ASH1L: variants seen among roughly 807,000 people sequenced by gnomAD.
ASH1L encodes the protein histone-lysine N-methyltransferase ASH1L.
In ASH1L, 23 loss-of-function variants were observed where a neutral mutation model predicts 269.0. The observed-to-expected ratio is 0.09, with a 90% confidence interval of 0.06 to 0.12. ASH1L has a LOEUF of 0.12. ASH1L is among the 10% of genes least tolerant of loss of function. The pLI, the probability that ASH1L is intolerant of heterozygous loss-of-function variation, is 1.00. For synonymous variants in ASH1L, 1,187 were observed against 1,253.5 expected, an observed-to-expected ratio of 0.95 and a Z score of 1.12; for missense variants, 2,912 against 3,567.8, an observed-to-expected ratio of 0.82 and a Z score of 4.68.
At chr1:155,533,009 G>C (rs574456346) in intron 1 of ASH1L, among the ~76,000 whole-genome samples, 2 of 150,352 alleles carry the variant, frequency 1.3e-5, no homozygotes, top group Admixed American at 1.3e-4. Flanking sequence ...GGTGGCGAAG[G>C]TCTGGTCTGA....
At chr1:155,529,482 A>G (rs1669511726) in intron 1 of ASH1L, among the ~76,000 whole-genome samples, 1 of 151,172 alleles carries the variant, frequency 6.6e-6, no homozygotes, top group Non-Finnish European at 1.5e-5. Context: ...GGCTGCATGT[A>G]TGTCTTCTTT....
At chr1:155,501,883 G>T (rs1308126356) in intron 2 of ASH1L, among the ~76,000 whole-genome samples, 1 of 151,840 alleles carries the variant, frequency 6.6e-6, no homozygotes, top group Admixed American at 6.6e-5. Flanking sequence ...GGATGGTCTC[G>T]ATCTATTGAC....
chr1:155,478,702 G>C lies in ASH1L; in HGVS notation c.4168C>G (p.Pro1390Ala). 6.2e-7 allele frequency: 1 copy of C among 1,614,038 alleles called. No homozygotes were observed. Among genetic ancestry groups the C allele is most frequent in the Non-Finnish European group, 8.5e-7 (1 of 1,180,018 alleles). Residue 1390 changes from proline to alanine, a missense_variant, in exon 3 of 28, where the codon CCC (proline) becomes GCC (alanine). Around this residue, in one of 13 missense-constraint regions of ASH1L, gnomAD observed 789 missense variants for 897.6 expected, o/e 0.88. Transcript: ENST00000392403. The surrounding 1 kb of genome is among the most constrained non-coding windows in gnomAD (Gnocchi z 4.6). ...PSYGMPYSPSPLTAAPIGLGY... is the reference protein window; with the variant it reads ...PSYGMPYSPSALTAAPIGLGY... ...AATCCTATGGGAGCAGCTGTAAGGGGTGAAGGAGAGTAAGGCATACCATAA... is the reference window on the plus strand; with the variant it reads ...AATCCTATGGGAGCAGCTGTAAGGGCTGAAGGAGAGTAAGGCATACCATAA...
intron 5 of ASH1L, among the ~76,000 whole-genome samples, chr1:155,417,227 G>A (rs112017592): frequency 1.9e-3 from 281 of 151,886 alleles, no homozygotes; most frequent in African/African-American, 6.6e-3. Context: ...GAGCCATCAC[G>A]CCCAGCCTCC....
chr1:155,489,393 G>T (rs1666587145), intron 2 of ASH1L, among the ~76,000 whole-genome samples: 1 of 151,046 alleles, frequency 6.6e-6, no homozygotes, highest in African/African-American at 2.4e-5. Context: ...ACAATCACTA[G>T]AACTCGGGAG....
chr1:155,378,196 A>C, intron 10 of ASH1L, 85 bp downstream of exon 10: 1 of 979,314 alleles, frequency 1.0e-6, no homozygotes, highest in Non-Finnish European at 1.6e-6. Flanking sequence ...AAAATCAAAG[A>C]GCCTATTTAA....
intron 25 of ASH1L, among the ~76,000 whole-genome samples, chr1:155,340,777 ATT>A (rs748634356): frequency 2.1e-4 from 29 of 141,348 alleles, no homozygotes; most frequent in Admixed American, 4.2e-4. Context: ...TCTATACTTA[ATT>A]TTTTTTTTTT....
At chr1:155,520,242 C>A (rs1201649256) in intron 2 of ASH1L, 1 of 150,930 alleles carries the variant, frequency 6.6e-6, no homozygotes, top group African/African-American at 2.4e-5. Flanking sequence ...ATCCCAGCTA[C>A]TCAGGGGGCT....
intron 7 of ASH1L, among the ~76,000 whole-genome samples, chr1:155,392,033 T>C (rs1211312256): frequency 6.6e-6 from 1 of 152,080 alleles, no homozygotes; most frequent in Non-Finnish European, 1.5e-5. Flanking sequence ...GAGCAACCAG[T>C]TACTGTGGGT....
At position 155,480,922 on chromosome 1, in the gene ASH1L, G is replaced by T. The variant is rs200142426; in HGVS notation, c.1948C>A (p.Leu650Ile). The stretch of plus-strand genomic sequence containing the variant: ...GAAGTCAAACTTGGCTTTTTTCCAA[G>T]GGAAGAGCTTATTCTTGGAATATCT... ...HIDIPRISSS[L>I]GKKPSLTSES... The change falls in exon 3 of 28, where the codon CTT becomes ATT. Residue 650 changes from leucine to isoleucine, a missense_variant. By Grantham distance (5) the Leu-to-Ile change is conservative. Around this residue, in one of 13 missense-constraint regions of ASH1L, gnomAD observed 715 missense variants for 721.0 expected, o/e 0.99. Coordinates refer to ENST00000392403, the MANE Select transcript of ASH1L (RefSeq NM_018489.3). The T allele has an allele frequency of 9.3e-6, 15 of 1,613,768 alleles. No individual in the cohort carries two copies. In the South Asian group the frequency reaches 1.6e-4, roughly 18 times the overall value.
At chr1:155,468,332 T>C (rs1476428640) in intron 3 of ASH1L, among the ~76,000 whole-genome samples, 1 of 152,084 alleles carries the variant, frequency 6.6e-6, no homozygotes, top group African/African-American at 2.4e-5. Flanking sequence ...GTTAAGGTGC[T>C]GTCTGCCAGG....
chr1:155,392,104 T>C (rs1349702371), intron 7 of ASH1L, among the ~76,000 whole-genome samples: 1 of 152,202 alleles, frequency 6.6e-6, no homozygotes, highest in Non-Finnish European at 1.5e-5. Flanking sequence ...CCCTACTTAG[T>C]ATCTTTAGTC....
intron 7 of ASH1L, among the ~76,000 whole-genome samples, chr1:155,382,586 T>C (rs1302373529): frequency 6.6e-6 from 1 of 152,152 alleles, no homozygotes; most frequent in African/African-American, 2.4e-5. Context: ...CCAGAAGACA[T>C]TATTACCATA....
chr1:155,395,430 G>A, intron 7 of ASH1L, 29 bp downstream of exon 7: 1 of 1,495,630 alleles, frequency 6.7e-7, no homozygotes, highest in Non-Finnish European at 9.1e-7. Flanking sequence ...TTTCTTCTCA[G>A]CAATACATTG....
At chr1:155,403,923 T>C (rs1571117604) in intron 6 of ASH1L, among the ~76,000 whole-genome samples, 1 of 149,946 alleles carries the variant, frequency 6.7e-6, no homozygotes, top group African/African-American at 2.4e-5. Flanking sequence ...GGTATGGTGA[T>C]GCCATGCCTG....
intron 2 of ASH1L, among the ~76,000 whole-genome samples, chr1:155,508,027 T>C (rs994149521): frequency 1.3e-5 from 2 of 151,540 alleles, no homozygotes; most frequent in African/African-American, 2.4e-5. Context: ...TGGCTAAGCA[T>C]ACTAAATGAA....
At chr1:155,353,488 A>G (rs1280092488) in intron 16 of ASH1L, among the ~76,000 whole-genome samples, 20 of 152,078 alleles carry the variant, frequency 1.3e-4, no homozygotes, top group Non-Finnish European at 1.0e-4. Flanking sequence ...CTACCTTTTG[A>G]GGGGAAGAAG....
chr1:155,370,295 CA>C lies in ASH1L; in HGVS notation c.6686+208del, dbSNP rs1571021951. On this transcript the variant is annotated intron_variant, in intron 12 of 27. Coordinates refer to ENST00000392403, the MANE Select transcript of ASH1L (RefSeq NM_018489.3). ...AAACCAAAAAAGCAAAACAAAAAAACAGAACACAAATAAAAACAAAAATATC... is the reference window on the plus strand; with the variant it reads ...AAACCAAAAAAGCAAAACAAAAAAACGAACACAAATAAAAACAAAAATATC... 8.4e-6 allele frequency: 5 copies of C among 592,428 alleles called. No individual in the cohort carries two copies. The East Asian group carries it at 1.4e-4, about 17-fold the overall frequency. The allele number at this position is 592,428 out of a possible 1,614,324, so 36.7% of individuals were successfully genotyped here. A position where few individuals can be genotyped will look rare whatever the true frequency, so the allele number is the denominator to read the frequency against.
chr1:155,514,450 T>C (rs949776280), intron 2 of ASH1L, among the ~76,000 whole-genome samples: 1 of 152,234 alleles, frequency 6.6e-6, no homozygotes, highest in Non-Finnish European at 1.5e-5. Flanking sequence ...TGCCACTTGA[T>C]ATTGGAATAC....
Sources: allele counts gnomAD v4.1 joint callset (sites outside exome capture counted in the v4.1 genomes callset), GRCh38; gene constraint gnomAD v4.1.1; regional missense constraint gnomAD v4.1.1; non-coding constraint Gnocchi (gnomAD v3.1); transcripts MANE v1.5; gene names NCBI Gene and HGNC (gene_info 2026-07-23, HGNC 2026-07-21).